The following PCDHGB3 variants were observed in gnomAD, a reference collection of about 807,000 sequenced individuals.
PCDHGB3 encodes the protein protocadherin gamma-B3.
Under a neutral mutation model 59.2 loss-of-function variants are expected in PCDHGB3, and 40 were observed. The ratio of observed to expected loss-of-function variants is 0.68; its 90% confidence interval spans 0.52 to 0.88. The LOEUF (loss-of-function observed/expected upper bound fraction) is 0.88. Among genes scored for constraint, PCDHGB3 ranks in the 40% least tolerant of loss-of-function variants. PCDHGB3 has a pLI of 0.00. For synonymous variants in PCDHGB3, 581 were observed against 503.6 expected (o/e 1.15, Z -2.06); for missense variants, 1,309 against 1,187.9 (o/e 1.10, Z -1.50).
At chr5:141,422,302 G>A (rs749870505) in intron 1 of PCDHGB3, 2 of 1,549,012 alleles carry the variant, frequency 1.3e-6, no homozygotes, top group Admixed American at 4.3e-5. Flanking sequence ...TTCAATTCTG[G>A]AAAACTCTCC....
chr5:141,484,845 G>T (rs541372844), intron 1 of PCDHGB3, among the ~76,000 whole-genome samples: 10 of 152,076 alleles, frequency 6.6e-5, no homozygotes, highest in Admixed American at 2.6e-4. Flanking sequence ...GATAGGCTGG[G>T]TTTTTTGGGG....
At chr5:141,500,182 A>ATTT (rs1199992745) in intron 2 of PCDHGB3, among the ~76,000 whole-genome samples, 1 of 131,622 alleles carries the variant, frequency 7.6e-6, no homozygotes, top group African/African-American at 3.1e-5. Context: ...CTTCATTTTT[A>ATTT]TTTTTATTTA....
intron 1 of PCDHGB3, chr5:141,414,381 T>A: frequency 6.2e-7 from 1 of 1,613,866 alleles, no homozygotes. Context: ...AAAAGTCCAT[T>A]GACAGTTATT....
chr5:141,412,000 C>G (rs936679371), intron 1 of PCDHGB3: 4 of 151,788 alleles, frequency 2.6e-5, no homozygotes, highest in East Asian at 1.9e-4. Flanking sequence ...GGCATAGTGA[C>G]ATAAACACTT....
At chr5:141,461,011 A>G (rs971172615) in intron 1 of PCDHGB3, among the ~76,000 whole-genome samples, 2 of 151,288 alleles carry the variant, frequency 1.3e-5, no homozygotes, top group Non-Finnish European at 2.9e-5. Context: ...ATATATATAT[A>G]CCACATTTTC....
intron 1 of PCDHGB3, chr5:141,441,182 CA>C (rs1434822697): frequency 6.6e-6 from 1 of 152,140 alleles, no homozygotes; most frequent in African/African-American, 2.4e-5. Flanking sequence ...TCTAATTCCA[CA>C]ATGATTCCCA....
intron 1 of PCDHGB3, chr5:141,374,356 C>T: frequency 1.2e-6 from 2 of 1,614,034 alleles, no homozygotes; most frequent in Non-Finnish European, 1.7e-6. Context: ...GTAGGATAGA[C>T]CGCGAGGAGC....
rs775331499 is a variant in PCDHGB3 at position 141,422,779 on chromosome 5, C to T, written c.2415+49970C>T. The T allele has an allele frequency of 8.7e-6, 14 of 1,614,070 alleles. No homozygotes were observed. In the East Asian group the frequency reaches 2.9e-4, roughly 33 times the overall value. ...CTCCAACACTGGTGTTCTCTATGCC[C>T]TACAATCCTTCGACTATGAGCAGTT... On this transcript the variant is annotated intron_variant, in intron 1 of 3. Transcript: ENST00000576222.
intron 1 of PCDHGB3, among the ~76,000 whole-genome samples, chr5:141,450,968 G>A (rs756891993): frequency 5.5e-4 from 84 of 151,848 alleles, no homozygotes; most frequent in Non-Finnish European, 9.0e-4. Context: ...GGGATTACAG[G>A]CATGTGCCAC....
chr5:141,422,062 A>C, intron 1 of PCDHGB3: 4 of 1,612,140 alleles, frequency 2.5e-6, no homozygotes, highest in Non-Finnish European at 3.4e-6. Context: ...CGGGGAAGTA[A>C]TGTATTCATT....
At chr5:141,393,388 C>G (rs775991086) in intron 1 of PCDHGB3, 7 of 1,613,992 alleles carry the variant, frequency 4.3e-6, no homozygotes, top group Non-Finnish European at 5.9e-6. Context: ...GCCATAAACC[C>G]AGAGCTGGTG....
intron 2 of PCDHGB3, among the ~76,000 whole-genome samples, chr5:141,501,159 C>G (rs1475164887): frequency 6.6e-6 from 1 of 152,096 alleles, no homozygotes; most frequent in East Asian, 1.9e-4. Context: ...GAGCCACCAT[C>G]CCCAGCCTCA....
chr5:141,448,543 G>C (rs1001667281), intron 1 of PCDHGB3, among the ~76,000 whole-genome samples: 3 of 151,988 alleles, frequency 2.0e-5, no homozygotes, highest in Admixed American at 6.6e-5. Context: ...CATTTCTTAT[G>C]CAAATATGTA....
At chr5:141,420,672 G>T (rs1478670282) in intron 1 of PCDHGB3, among the ~76,000 whole-genome samples, 1 of 152,296 alleles carries the variant, frequency 6.6e-6, no homozygotes, top group African/African-American at 2.4e-5. Flanking sequence ...CCTACCTGAT[G>T]ATTTTATCGG....
rs774487660 is a variant in PCDHGB3, at chr5:141,404,806, G to C, written c.2415+31997G>C. 6 of 1,613,874 alleles carry C rather than the reference G, an allele frequency of 3.7e-6. No individual in the cohort carries two copies. In the South Asian group the frequency reaches 5.5e-5, roughly 15 times the overall value. On this transcript the variant is annotated intron_variant, in intron 1 of 3. Transcript: ENST00000576222. ...AGGCCAGTGAGCCAGGGCTCTTCTCGGTGGGGCTGCACACAGGTGAAGTGC... is the reference window on the plus strand; with the variant it reads ...AGGCCAGTGAGCCAGGGCTCTTCTCCGTGGGGCTGCACACAGGTGAAGTGC...
intron 1 of PCDHGB3, chr5:141,410,151 G>A: frequency 6.2e-7 from 1 of 1,613,018 alleles, no homozygotes; most frequent in Non-Finnish European, 8.5e-7. Flanking sequence ...CGTGACGGTG[G>A]ACAGCCGCCA....
At chr5:141,409,870 T>C in intron 1 of PCDHGB3, 1 of 1,612,788 alleles carries the variant, frequency 6.2e-7, no homozygotes, top group Non-Finnish European at 8.5e-7. Flanking sequence ...GAGACCGCAA[T>C]GACAACGCAC....
intron 1 of PCDHGB3, among the ~76,000 whole-genome samples, chr5:141,455,776 A>G (rs1386162201): frequency 6.6e-6 from 1 of 152,186 alleles, no homozygotes. Context: ...GGGCTTTAAA[A>G]GAAACTTTTC....
chr5:141,434,802 G>A (rs1009500775), intron 1 of PCDHGB3, among the ~76,000 whole-genome samples: 10 of 151,488 alleles, frequency 6.6e-5, no homozygotes, highest in African/African-American at 2.4e-4. Flanking sequence ...TTCTGAGCTT[G>A]GAGAAATATA....
Sources: allele counts gnomAD v4.1 joint callset (sites outside exome capture counted in the v4.1 genomes callset), GRCh38; gene constraint gnomAD v4.1.1; transcripts MANE v1.5; gene names NCBI Gene and HGNC (gene_info 2026-07-23, HGNC 2026-07-21).